The following RAPGEF4 variants were observed in gnomAD, a reference collection of about 807,000 sequenced individuals.
The protein encoded by RAPGEF4 is Rap guanine nucleotide exchange factor 4.
A neutral mutation model predicts 147.9 loss-of-function variants in RAPGEF4; 66 were observed. The ratio of observed to expected loss-of-function variants is 0.45; its 90% confidence interval spans 0.37 to 0.55. The LOEUF (loss-of-function observed/expected upper bound fraction) is 0.55, where lower values mean the gene tolerates loss of function less well. Ranked by LOEUF, RAPGEF4 falls within the 20% of genes least tolerant of loss-of-function variation. The pLI, the probability that RAPGEF4 is intolerant of heterozygous loss-of-function variation, is 0.00. For missense variants in RAPGEF4, 1,071 were observed against 1,257.3 expected (o/e 0.85, Z 2.24); for synonymous variants, 419 against 442.7 (o/e 0.95, Z 0.67).
At position 172,965,545 on chromosome 2, in the gene RAPGEF4, G is replaced by A. The variant is rs904957281; in HGVS notation, c.699-17G>A. 3 of 1,612,434 alleles carry A rather than the reference G, an allele frequency of 1.9e-6. No homozygotes were observed. The highest frequency in any genetic ancestry group is 1.3e-5 in the African/African-American group (1 of 74,986). On this transcript the variant is annotated splice_polypyrimidine_tract_variant and intron_variant, in intron 8 of 30. Coordinates refer to ENST00000397081, the MANE Select transcript of RAPGEF4 (RefSeq NM_007023.4). ...AAGGGGTGACTTCCCCACCCTTTCT[G>A]TCTCACCTCTCCTTAGACAATGCTG...
intron 10 of RAPGEF4, among the ~76,000 whole-genome samples, chr2:172,979,041 CA>C (rs1691397290): frequency 6.6e-6 from 1 of 152,206 alleles, no homozygotes; most frequent in Non-Finnish European, 1.5e-5. Flanking sequence ...TTATTTTTCA[CA>C]AACAGTTGAG....
chr2:172,780,839 CA>C (rs1684615035), intron 1 of RAPGEF4, among the ~76,000 whole-genome samples: 1 of 152,102 alleles, frequency 6.6e-6, no homozygotes, highest in Admixed American at 6.6e-5. Context: ...CTTATAACTG[CA>C]ATTATTGTAT....
chr2:172,906,157 T>C (rs1487883495), intron 4 of RAPGEF4, among the ~76,000 whole-genome samples: 2 of 152,212 alleles, frequency 1.3e-5, no homozygotes, highest in Non-Finnish European at 2.9e-5. Flanking sequence ...CTAAACATTA[T>C]GTCACTCTTC....
At chr2:172,986,797 A>C (rs1692302381) in intron 12 of RAPGEF4, among the ~76,000 whole-genome samples, 1 of 151,580 alleles carries the variant, frequency 6.6e-6, no homozygotes, top group Non-Finnish European at 1.5e-5. Flanking sequence ...AGGTTCAAGC[A>C]ATTCTCCTGC....
intron 5 of RAPGEF4, chr2:172,918,164 T>C: frequency 1.8e-6 from 1 of 549,294 alleles, no homozygotes. Context: ...AATCCAGTGT[T>C]CTTTCTGTGC....
At chr2:172,749,965 T>G (rs1489345538) in intron 1 of RAPGEF4, among the ~76,000 whole-genome samples, 9 of 152,164 alleles carry the variant, frequency 5.9e-5, no homozygotes, top group Non-Finnish European at 2.9e-5. Context: ...AAGAGTCACC[T>G]TTTCTCCAGT....
intron 10 of RAPGEF4, among the ~76,000 whole-genome samples, chr2:172,970,914 T>C (rs1690411865): frequency 6.6e-6 from 1 of 152,124 alleles, no homozygotes; most frequent in African/African-American, 2.4e-5. Flanking sequence ...TGGATGGCAT[T>C]TGGGGGCAAG....
Position 173,033,384 on chromosome 2 carries a change from A to AT in RAPGEF4, c.2650-527dup, listed in dbSNP as rs1471726458. ...ACAGGCTCAATCTATTCAAATGAAT[A>AT]TTTAGGGAGTACTATGTACCCAGTA... On this transcript the variant is annotated intron_variant, in intron 26 of 30. Transcript: ENST00000397081. Among the ~76,000 whole-genome samples, 7 of 152,314 alleles carry AT rather than the reference A, an allele frequency of 4.6e-5. No individual in the cohort carries two copies. The East Asian group carries it at 1.2e-3, about 25-fold the overall frequency.
In RAPGEF4 at chr2:172,796,139, A is replaced by G. The variant is rs532208279; in HGVS notation, c.208+972A>G. On this transcript the variant is annotated intron_variant, in intron 2 of 30. Coordinates refer to ENST00000397081, the MANE Select transcript of RAPGEF4 (RefSeq NM_007023.4). ...CCTAGTGGAGCTAACACCTAGCCCT[A>G]TAGATGAGGGTGGAAACTTGTCTAA... Among the ~76,000 whole-genome samples the G allele has an allele frequency of 1.4e-4, 22 of 152,282 alleles. No individual in the cohort carries two copies. In the South Asian group the frequency reaches 1.5e-3, roughly 10 times the overall value.
chr2:172,898,382 G>A (rs752697683), intron 4 of RAPGEF4, among the ~76,000 whole-genome samples: 21 of 152,246 alleles, frequency 1.4e-4, no homozygotes, highest in African/African-American at 3.6e-4. Flanking sequence ...TTACCAGACC[G>A]TCTTCTCTTT....
At chr2:172,761,550 G>C (rs1696344718) in intron 1 of RAPGEF4, among the ~76,000 whole-genome samples, 1 of 152,166 alleles carries the variant, frequency 6.6e-6, no homozygotes, top group Admixed American at 6.6e-5. Flanking sequence ...GCTGTCTCCA[G>C]ATGAAGAAAA....
chr2:172,753,116 G>GC (rs1695442447), intron 1 of RAPGEF4, among the ~76,000 whole-genome samples: 1 of 152,040 alleles, frequency 6.6e-6, no homozygotes. Context: ...CAATGAAACT[G>GC]CTTCTCGGAG....
intron 26 of RAPGEF4, among the ~76,000 whole-genome samples, chr2:173,032,887 C>T (rs2105987091): frequency 6.6e-6 from 1 of 152,312 alleles, no homozygotes; most frequent in South Asian, 2.1e-4. Context: ...AAAGCCTCCT[C>T]CCAGATGACC....
chr2:173,025,732 T>C (rs1197642063), intron 23 of RAPGEF4, among the ~76,000 whole-genome samples: 2 of 152,254 alleles, frequency 1.3e-5, no homozygotes, highest in African/African-American at 2.4e-5. Flanking sequence ...CGTGAGCCAC[T>C]GTGCCAGCCA....
Position 172,755,548 on chromosome 2 carries a change from C to G in RAPGEF4, c.65+19500C>G, listed in dbSNP as rs545659359. ...AGCTGGGATTACATGTGTGCACCAC[C>G]ACGCCCAGCTACTATTTTTGTATTT... On this transcript the variant is annotated intron_variant, in intron 1 of 30. Coordinates refer to ENST00000397081, the MANE Select transcript of RAPGEF4 (RefSeq NM_007023.4). Among the ~76,000 whole-genome samples the G allele has an allele frequency of 6.2e-4, 94 of 152,192 alleles. 1 individual carries two copies. Among genetic ancestry groups the G allele is most frequent in the Middle Eastern group, 3.4e-3 (1 of 294 alleles).
In RAPGEF4 at chr2:172,836,590, T is replaced by C. The variant is rs532040659; in HGVS notation, c.444+22165T>C. Among the ~76,000 whole-genome samples, 22 of 152,326 alleles carry C rather than the reference T, an allele frequency of 1.4e-4. No individual in the cohort carries two copies. The South Asian group carries it at 2.3e-3, about 16-fold the overall frequency. On this transcript the variant is annotated intron_variant, in intron 4 of 30. Transcript: ENST00000397081. ...GACTTCCTCCCCCAAATGGAGCACT[T>C]CCTGCTTTCCAGCTGAATGATGAGT...
intron 1 of RAPGEF4, among the ~76,000 whole-genome samples, chr2:172,777,020 A>G (rs997982387): frequency 2.6e-5 from 4 of 152,168 alleles, no homozygotes; most frequent in African/African-American, 9.7e-5. Context: ...TGTGGATGCT[A>G]TGCTATTGAG....
intron 17 of RAPGEF4, among the ~76,000 whole-genome samples, chr2:173,003,061 G>A (rs1575489980): frequency 6.6e-6 from 1 of 151,898 alleles, no homozygotes; most frequent in East Asian, 1.9e-4. Flanking sequence ...AAAACTCAAG[G>A]GCGAGTCAGC....
intron 1 of RAPGEF4, among the ~76,000 whole-genome samples, chr2:172,785,005 A>C (rs1009083948): frequency 6.6e-6 from 1 of 152,132 alleles, no homozygotes; most frequent in Non-Finnish European, 1.5e-5. Flanking sequence ...TTGTATTTTT[A>C]GTAGAGATGG....
Sources: allele counts gnomAD v4.1 joint callset (sites outside exome capture counted in the v4.1 genomes callset), GRCh38; gene constraint gnomAD v4.1.1; transcripts MANE v1.5; gene names NCBI Gene and HGNC (gene_info 2026-07-23, HGNC 2026-07-21).